The following ANO1 variants were observed in gnomAD, a reference collection of about 807,000 sequenced individuals.
ANO1 encodes the protein anoctamin 1.
Under a neutral mutation model 124.0 loss-of-function variants are expected in ANO1, and 59 were observed. The ratio of observed to expected loss-of-function variants is 0.48; its 90% confidence interval spans 0.39 to 0.59. The LOEUF is 0.59. Among genes scored for constraint, ANO1 ranks in the 20% least tolerant of loss-of-function variants. The pLI, the probability that ANO1 is intolerant of heterozygous loss-of-function variation, is 0.00. For missense variants in ANO1, 1,059 were observed against 1,328.0 expected (o/e 0.80, Z 3.15); for synonymous variants, 529 against 532.0 (o/e 0.99, Z 0.08).
intron 1 of ANO1, among the ~76,000 whole-genome samples, chr11:69,993,012 C>T (rs1856185179): frequency 6.6e-6 from 1 of 152,226 alleles, no homozygotes; most frequent in South Asian, 2.1e-4. Flanking sequence ...CTTCCTTTCT[C>T]ATGGCAGCTC....
At chr11:69,999,201 T>G (rs1250980010) in intron 1 of ANO1, among the ~76,000 whole-genome samples, 2 of 151,948 alleles carry the variant, frequency 1.3e-5, no homozygotes, top group Non-Finnish European at 2.9e-5. Context: ...CTTACAATCA[T>G]GGAGGAAGGC....
At chr11:69,970,450 TTAG>T in the ANO1 span, among the ~76,000 whole-genome samples, 1 of 152,122 alleles carries the variant, frequency 6.6e-6, no homozygotes, top group African/African-American at 2.4e-5. Flanking sequence ...GAATGTCATG[TTAG>T]GAAAGGTTCG....
intron 8 of ANO1, among the ~76,000 whole-genome samples, chr11:70,123,944 A>G (rs925153581): frequency 1.3e-5 from 2 of 152,236 alleles, no homozygotes; most frequent in Non-Finnish European, 2.9e-5. Flanking sequence ...TTTTAATCAG[A>G]CAGCCCATCT....
intron 19 of ANO1, among the ~76,000 whole-genome samples, chr11:70,164,738 G>A (rs999753736): frequency 1.3e-5 from 2 of 152,190 alleles, no homozygotes; most frequent in Non-Finnish European, 2.9e-5. Flanking sequence ...CTGAGTCAGG[G>A]ACATTAGGCC....
intron 1 of ANO1, among the ~76,000 whole-genome samples, chr11:70,020,398 C>A (rs1367670075): frequency 1.3e-5 from 2 of 152,202 alleles, no homozygotes; most frequent in Non-Finnish European, 2.9e-5. Context: ...ACTTATGCCA[C>A]CCTCTTGCCA....
chr11:70,096,155 G>A (rs374568241), intron 2 of ANO1, among the ~76,000 whole-genome samples: 2 of 152,172 alleles, frequency 1.3e-5, no homozygotes, highest in East Asian at 1.9e-4. Context: ...TTTATAATCT[G>A]TGGGGTTTCC....
intron 25 of ANO1, among the ~76,000 whole-genome samples, chr11:70,185,992 G>A (rs1057141002): frequency 6.6e-6 from 1 of 152,092 alleles, no homozygotes; most frequent in Non-Finnish European, 1.5e-5. Flanking sequence ...TGTCTTTATT[G>A]AAAGAGACAG....
Position 70,023,205 on chromosome 11 carries a change from C to T in ANO1, c.58+37039C>T, listed in dbSNP as rs150798404. Among the ~76,000 whole-genome samples, 24 of 152,302 alleles carry T rather than the reference C, an allele frequency of 1.6e-4. No individual in the cohort carries two copies. In the East Asian group the frequency reaches 3.5e-3, roughly 22 times the overall value. The stretch of plus-strand genomic sequence containing the variant: ...CCCGCTGCACAGTGGGAAACTCGTG[C>T]GCTGGGAGATGAGGGGAAATGCATG... On this transcript the variant is annotated intron_variant, in intron 1 of 27. Transcript: ENST00000531349.
intron 11 of ANO1, among the ~76,000 whole-genome samples, chr11:70,137,417 ACC>A (rs1175294711): frequency 3.9e-5 from 1 of 25,334 alleles, no homozygotes; most frequent in Non-Finnish European, 8.7e-5. Flanking sequence ...CAAACCCCCC[ACC>A]CCCCCACCCG....
Position 70,145,946 on chromosome 11 carries a change from A to G in ANO1, c.1259-3764A>G, listed in dbSNP as rs1167893853. ...AGAGAGACTCCTTCTCAAAAAACAAAAAAAAAAAAAAAAAAAAAAGAAAGA... is the reference window on the plus strand; with the variant it reads ...AGAGAGACTCCTTCTCAAAAAACAAGAAAAAAAAAAAAAAAAAAAGAAAGA... On this transcript the variant is annotated intron_variant, in intron 11 of 25. Transcript: ENST00000355303. Among the ~76,000 whole-genome samples, 4 of 34,578 alleles carry G rather than the reference A, an allele frequency of 1.2e-4. No homozygotes were observed. In the South Asian group the frequency reaches 1.6e-3, roughly 13 times the overall value. 22.7% of individuals were successfully genotyped at this position (34,578 alleles called of 152,430 possible).
intron 3 of ANO1, 97 bp downstream of exon 3, chr11:70,103,261 T>A: frequency 1.0e-6 from 1 of 997,908 alleles, no homozygotes; most frequent in Non-Finnish European, 1.4e-6. Flanking sequence ...GCCCTGAGTT[T>A]TATAAAAAAA....
At position 70,185,552 on chromosome 11, in the gene ANO1, C is replaced by T. The variant is rs149502742; in HGVS notation, c.2589-38C>T. ...ACTCCAGCCAGAGCCTGAGCCCCAC[C>T]GAAGTCCCACCCTCGACTCCACCAC... On this transcript the variant is annotated intron_variant, in intron 24 of 25. Coordinates refer to ENST00000355303, the MANE Select transcript of ANO1 (RefSeq NM_018043.7). The T allele has an allele frequency of 2.6e-3, 4,136 of 1,586,124 alleles. 94 individuals carry two copies. The Admixed American group carries it at 0.042, about 16-fold the overall frequency.
intron 1 of ANO1, among the ~76,000 whole-genome samples, chr11:70,027,921 T>TAA (rs1856937719): frequency 6.6e-6 from 1 of 152,192 alleles, no homozygotes; most frequent in Non-Finnish European, 1.5e-5. Context: ...GAAAGCCATT[T>TAA]CAATATTTGT....
At chr11:70,153,450 C>T (rs542591549) in intron 14 of ANO1, among the ~76,000 whole-genome samples, 3 of 152,196 alleles carry the variant, frequency 2.0e-5, no homozygotes, top group Admixed American at 6.5e-5. Flanking sequence ...CAAGTTTTAG[C>T]CAGCATTTCA....
chr11:70,057,250 G>A (rs782439618), intron 1 of ANO1, among the ~76,000 whole-genome samples: 82 of 152,148 alleles, frequency 5.4e-4, no homozygotes, highest in Admixed American at 9.8e-4. Context: ...CTCTTCTTCC[G>A]AGAGGATTCT....
At chr11:70,040,582 T>C (rs1591051654) in intron 1 of ANO1, among the ~76,000 whole-genome samples, 1 of 152,082 alleles carries the variant, frequency 6.6e-6, no homozygotes, top group African/African-American at 2.4e-5. Context: ...GGCCGAGACA[T>C]GACAATCGCT....
chr11:70,048,631 TTC>T (rs1421498017), intron 1 of ANO1, among the ~76,000 whole-genome samples: 104 of 150,886 alleles, frequency 6.9e-4, no homozygotes, highest in Non-Finnish European at 7.4e-4. Flanking sequence ...CTGTCTCAGT[TTC>T]TCTCTCTCTG....
intron 22 of ANO1, among the ~76,000 whole-genome samples, chr11:70,178,691 G>A (rs901695023): frequency 6.6e-6 from 1 of 152,082 alleles, no homozygotes; most frequent in Non-Finnish European, 1.5e-5. Context: ...AGCCTTCTGA[G>A]TAGCTGGGAT....
intron 10 of ANO1, among the ~76,000 whole-genome samples, chr11:70,127,038 C>T (rs924414630): frequency 7.4e-6 from 1 of 135,158 alleles, no homozygotes; most frequent in African/African-American, 2.7e-5. Context: ...GGAGGTGAGA[C>T]GTGAACACTA....
Sources: allele counts gnomAD v4.1 joint callset (sites outside exome capture counted in the v4.1 genomes callset), GRCh38; gene constraint gnomAD v4.1.1; transcripts MANE v1.5; gene names NCBI Gene and HGNC (gene_info 2026-07-23, HGNC 2026-07-21).